SUSD1: variants seen among roughly 807,000 people sequenced by gnomAD.
SUSD1 encodes the protein sushi domain-containing protein 1.
Under a neutral mutation model 86.9 loss-of-function variants are expected in SUSD1, and 65 were observed. That is an observed-to-expected ratio of 0.75 (90% CI 0.61 to 0.92). SUSD1 has a LOEUF of 0.92. SUSD1 is among the 40% of genes least tolerant of loss of function. SUSD1 has a pLI of 0.00. For missense variants in SUSD1, 850 were observed against 929.7 expected (o/e 0.91, Z 1.11); for synonymous variants, 346 against 350.0 (o/e 0.99, Z 0.13).
chr9:112,062,710 T>C (rs1828784367), intron 13 of SUSD1, among the ~76,000 whole-genome samples: 1 of 151,804 alleles, frequency 6.6e-6, no homozygotes, highest in African/African-American at 2.4e-5. Context: ...AAATAAAAAA[T>C]AAAATTTAAA....
intron 10 of SUSD1, among the ~76,000 whole-genome samples, chr9:112,082,985 C>T (rs2131566929): frequency 6.6e-6 from 1 of 152,244 alleles, no homozygotes; most frequent in African/African-American, 2.4e-5. Flanking sequence ...AGCAATCCTC[C>T]TACCTCAGCA....
At chr9:112,169,996 C>T (rs2131862843) in intron 1 of SUSD1, among the ~76,000 whole-genome samples, 1 of 152,194 alleles carries the variant, frequency 6.6e-6, no homozygotes, top group South Asian at 2.1e-4. Flanking sequence ...TTTTCTTAAT[C>T]TTTGCAGTTC....
intron 2 of SUSD1, among the ~76,000 whole-genome samples, chr9:112,155,883 A>G (rs72763960): frequency 0.14 from 18,672 of 137,722 alleles, 1,231 homozygotes; most frequent in Non-Finnish European, 0.16. Flanking sequence ...AAGAAGGAGA[A>G]GGAGAGAGGG....
chr9:112,053,009 T>TC (rs1426135147), intron 14 of SUSD1, among the ~76,000 whole-genome samples: 4 of 152,024 alleles, frequency 2.6e-5, no homozygotes, highest in Non-Finnish European at 5.9e-5. Flanking sequence ...GAATATCTCT[T>TC]CCCCCCTGTC....
chr9:112,081,289 G>A (rs1207998895), intron 10 of SUSD1, among the ~76,000 whole-genome samples: 1 of 152,192 alleles, frequency 6.6e-6, no homozygotes, highest in African/African-American at 2.4e-5. Flanking sequence ...TAACTCCCTG[G>A]CCTGACAGGT....
intron 10 of SUSD1, among the ~76,000 whole-genome samples, chr9:112,085,817 C>T (rs568426106): frequency 2.0e-4 from 30 of 152,132 alleles, no homozygotes; most frequent in Non-Finnish European, 3.7e-4. Context: ...TAACTCACTA[C>T]GCATCCTCCA....
intron 4 of SUSD1, among the ~76,000 whole-genome samples, chr9:112,143,028 A>C: frequency 9.1e-6 from 1 of 110,306 alleles, no homozygotes; most frequent in African/African-American, 3.5e-5. Flanking sequence ...TCTGTTGTCC[A>C]GGCTGGAGTG....
At chr9:112,095,858 A>G (rs1830373193) in intron 10 of SUSD1, among the ~76,000 whole-genome samples, 2 of 152,250 alleles carry the variant, frequency 1.3e-5, no homozygotes. Flanking sequence ...AGACTCTTTC[A>G]CTAAACAGAT....
At chr9:112,154,335 C>A (rs113619688) in intron 2 of SUSD1, among the ~76,000 whole-genome samples, 19,172 of 68,636 alleles carry the variant, frequency 0.28, 1,627 homozygotes, top group East Asian at 0.42. Flanking sequence ...CACACACACA[C>A]AAAAAAAAAA....
At chr9:112,054,726 A>T (rs1828372383) in intron 14 of SUSD1, among the ~76,000 whole-genome samples, 1 of 152,202 alleles carries the variant, frequency 6.6e-6, no homozygotes, top group South Asian at 2.1e-4. Context: ...TAAGACCTCA[A>T]ATTATAAAAC....
intron 4 of SUSD1, among the ~76,000 whole-genome samples, chr9:112,142,961 CTTTTTTTTTTTTTTTT>C (rs529470594): frequency 2.1e-3 from 62 of 30,210 alleles, no homozygotes; most frequent in Middle Eastern, 0.071. Flanking sequence ...TGAATTTTAG[CTTTTTTTTTTTTTTTT>C]TTTTTTTTTT....
intron 2 of SUSD1, among the ~76,000 whole-genome samples, chr9:112,157,286 G>A (rs1833368778): frequency 6.6e-6 from 1 of 152,188 alleles, no homozygotes. Flanking sequence ...CAAGTTCAAT[G>A]ACCTCTAACA....
intron 10 of SUSD1, among the ~76,000 whole-genome samples, chr9:112,085,384 C>T (rs1044981753): frequency 9.9e-5 from 15 of 152,174 alleles, no homozygotes; most frequent in African/African-American, 3.6e-4. Context: ...GCTGTTTCTC[C>T]ATGTGCTTTA....
chr9:112,060,980 G>A (rs968911725), intron 13 of SUSD1, among the ~76,000 whole-genome samples: 37 of 152,264 alleles, frequency 2.4e-4, no homozygotes, highest in Admixed American at 5.2e-4. Context: ...TAGCCTGACC[G>A]TAATCACCTG....
At chr9:112,114,634 C>G (rs1012700162) in intron 6 of SUSD1, among the ~76,000 whole-genome samples, 3 of 152,186 alleles carry the variant, frequency 2.0e-5, no homozygotes, top group Non-Finnish European at 2.9e-5. Context: ...CTCTTAAGAA[C>G]TCCTCAGCCT....
At chr9:112,046,799 G>T (rs1403185668) in intron 15 of SUSD1, among the ~76,000 whole-genome samples, 1 of 152,144 alleles carries the variant, frequency 6.6e-6, no homozygotes, top group Non-Finnish European at 1.5e-5. Context: ...TCCATTCAGA[G>T]CCAAAGATGG....
At chr9:112,080,278 A>C (rs539603383) in intron 10 of SUSD1, 113 bp from the exon 11 acceptor site, 613 of 686,816 alleles carry the variant, frequency 8.9e-4, no homozygotes, top group Non-Finnish European at 1.2e-3. Flanking sequence ...CAGTATTTTA[A>C]TTTAGAAATT....
intron 4 of SUSD1, among the ~76,000 whole-genome samples, chr9:112,143,146 G>A (rs1043525825): frequency 3.3e-5 from 5 of 150,702 alleles, no homozygotes; most frequent in Non-Finnish European, 7.4e-5. Context: ...CACCACACCT[G>A]GCTATTTTTT....
intron 5 of SUSD1, chr9:112,137,715 A>C (rs1456791964): frequency 6.6e-6 from 1 of 152,186 alleles, no homozygotes; most frequent in African/African-American, 2.4e-5. Context: ...ATTATGCAAT[A>C]AATTCAATGA....
Sources: gnomAD v4.1 joint callset for allele counts (sites outside exome capture counted in the v4.1 genomes callset) on GRCh38, gnomAD v4.1.1 for gene constraint, MANE v1.5 for transcripts, NCBI Gene and HGNC (gene_info 2026-07-23, HGNC 2026-07-21) for gene names.